The following GABRB2 variants were observed in gnomAD, a reference collection of about 807,000 sequenced individuals.
GABRB2 encodes gamma-aminobutyric acid receptor subunit beta-2.
Under a neutral mutation model 54.7 loss-of-function variants are expected in GABRB2, and 16 were observed. The ratio of observed to expected loss-of-function variants is 0.29; its 90% CI spans 0.20 to 0.44. The LOEUF (loss-of-function observed/expected upper bound fraction) is 0.44. Ranked by LOEUF, GABRB2 falls within the 20% of genes least tolerant of loss-of-function variation. GABRB2 has a pLI of 1.00. For synonymous variants in GABRB2, 244 were observed against 233.8 expected, an observed-to-expected ratio of 1.04 and a Z score of -0.40; for missense variants, 355 against 644.0, an observed-to-expected ratio of 0.55 and a Z score of 4.86.
At chr5:161,436,544 AAGAG>A (rs1757315942) in intron 4 of GABRB2, among the ~76,000 whole-genome samples, 1 of 151,760 alleles carries the variant, frequency 6.6e-6, no homozygotes, top group Non-Finnish European at 1.5e-5. Flanking sequence ...AAAAAAAAAA[AAGAG>A]AGAGAATGAT....
At chr5:161,513,237 T>TA (rs1759834588) in intron 3 of GABRB2, among the ~76,000 whole-genome samples, 2 of 152,066 alleles carry the variant, frequency 1.3e-5, no homozygotes, top group African/African-American at 4.8e-5. Flanking sequence ...ATTGTTAAAA[T>TA]AATAACAGAA....
intron 5 of GABRB2, among the ~76,000 whole-genome samples, chr5:161,360,499 A>G (rs552071843): frequency 1.1e-4 from 16 of 152,346 alleles, no homozygotes; most frequent in African/African-American, 3.8e-4. Context: ...TCTCTCTTCA[A>G]CAGTCAACAC....
In GABRB2 at chr5:161,310,339, A is replaced by G. The variant is rs116520942; in HGVS notation, c.1192-15911T>C. Among the ~76,000 whole-genome samples the G allele has an allele frequency of 2.6e-3, 389 of 152,316 alleles. 3 individuals are homozygous for G. Among genetic ancestry groups the G allele is most frequent in the African/African-American group, 9.1e-3 (377 of 41,564 alleles). On this transcript the variant is annotated intron_variant, in intron 9 of 9. Transcript: ENST00000393959. ...AGAAGTTAAAAAATAGAGAAATGAA[A>G]GGAAAGTTTTCTTGAAGCCTTTGTA...
intron 9 of GABRB2, among the ~76,000 whole-genome samples, chr5:161,310,839 T>C (rs1320054693): frequency 6.6e-6 from 1 of 151,018 alleles, no homozygotes; most frequent in Non-Finnish European, 1.5e-5. Flanking sequence ...CTCGGCTCAC[T>C]GCAAGCTCCA....
chr5:161,370,501 C>A (rs2113466995), intron 5 of GABRB2, among the ~76,000 whole-genome samples: 1 of 152,262 alleles, frequency 6.6e-6, no homozygotes, highest in Non-Finnish European at 1.5e-5. Context: ...GGCTTTGTGG[C>A]CAAACTCTGT....
At chr5:161,382,333 A>T (rs1009408570) in intron 5 of GABRB2, among the ~76,000 whole-genome samples, 3 of 152,170 alleles carry the variant, frequency 2.0e-5, no homozygotes, top group African/African-American at 4.8e-5. Flanking sequence ...AGTTACTGAG[A>T]TACTCATCAG....
At chr5:161,384,030 G>A (rs1023758940) in intron 5 of GABRB2, among the ~76,000 whole-genome samples, 3 of 152,152 alleles carry the variant, frequency 2.0e-5, no homozygotes, top group African/African-American at 7.2e-5. Flanking sequence ...TGGGATTACA[G>A]GCATGAGCCA....
intron 3 of GABRB2, among the ~76,000 whole-genome samples, chr5:161,498,470 G>C (rs1307186331): frequency 6.6e-6 from 1 of 152,028 alleles, no homozygotes. Flanking sequence ...CCATGAAGTT[G>C]CACTCACCAA....
At chr5:161,396,311 G>A (rs1235873171) in intron 5 of GABRB2, among the ~76,000 whole-genome samples, 1 of 152,120 alleles carries the variant, frequency 6.6e-6, no homozygotes, top group East Asian at 1.9e-4. Flanking sequence ...TGATTAGAGG[G>A]ACTGAAGATT....
chr5:161,495,860 A>G (rs1178777064), intron 3 of GABRB2, among the ~76,000 whole-genome samples: 2 of 152,164 alleles, frequency 1.3e-5, no homozygotes, highest in African/African-American at 2.4e-5. Context: ...GAAAATTAAA[A>G]TAAACTGAAG....
intron 3 of GABRB2, among the ~76,000 whole-genome samples, chr5:161,526,675 T>A (rs1435882901): frequency 6.6e-6 from 1 of 151,430 alleles, no homozygotes; most frequent in African/African-American, 2.4e-5. Context: ...CTGATAGTTA[T>A]ATAATCTTTG....
At chr5:161,342,706 A>T (rs1449127411) in intron 5 of GABRB2, among the ~76,000 whole-genome samples, 1 of 152,070 alleles carries the variant, frequency 6.6e-6, no homozygotes, top group Non-Finnish European at 1.5e-5. Context: ...CTATTTATTT[A>T]TGTCCCCTCA....
chr5:161,413,742 C>A (rs1416533827), intron 4 of GABRB2, among the ~76,000 whole-genome samples: 1 of 152,014 alleles, frequency 6.6e-6, no homozygotes, highest in Non-Finnish European at 1.5e-5. Flanking sequence ...AGAAAATTAA[C>A]CTCATCTGAT....
intron 5 of GABRB2, among the ~76,000 whole-genome samples, chr5:161,339,839 G>C (rs1754103158): frequency 6.6e-6 from 1 of 152,132 alleles, no homozygotes; most frequent in Middle Eastern, 3.4e-3. Context: ...GCAAATGATA[G>C]AGTAAGGACT....
At chr5:161,460,399 A>C (rs1025411865) in intron 3 of GABRB2, among the ~76,000 whole-genome samples, 2 of 152,212 alleles carry the variant, frequency 1.3e-5, no homozygotes, top group Admixed American at 1.3e-4. Flanking sequence ...TGGGCCAGGC[A>C]CAGTGGTGGG....
rs766605015 is a variant in GABRB2, at chr5:161,459,670, G to C, written c.412C>G (p.Arg138Gly). Residue 138 changes from arginine to glycine, a missense_variant, in exon 4 of 10, where the codon CGC becomes GGC. Arg to Gly is a moderately radical substitution (Grantham distance 125). Coordinates refer to ENST00000393959, the MANE Select transcript of GABRB2 (RefSeq NM_001371727.1). ...CCATCAGGATGCAGGCGAATCATGC[G>C]GTTCTTAACAGTCACTCCGTGCACA... The part of the protein sequence containing the change: ...SFVHGVTVKN[R>G]MIRLHPDGTV... 6.2e-7 allele frequency: 1 copy of C among 1,614,134 alleles called. No homozygotes were observed. The highest frequency in any genetic ancestry group is 1.1e-5 in the South Asian group (1 of 91,078).
At chr5:161,480,605 CACAGGAAACAAATA>C (rs1247822464) in intron 3 of GABRB2, among the ~76,000 whole-genome samples, 1 of 152,028 alleles carries the variant, frequency 6.6e-6, no homozygotes, top group Non-Finnish European at 1.5e-5. Flanking sequence ...TTTAAACAAA[CACAGGAAACAAATA>C]ACAGCTATTA....
chr5:161,383,362 GTCTT>G (rs1580936403), intron 5 of GABRB2, among the ~76,000 whole-genome samples: 1 of 151,564 alleles, frequency 6.6e-6, no homozygotes, highest in Non-Finnish European at 1.5e-5. Flanking sequence ...TGTGGCATTT[GTCTT>G]TCTTTTTTTT....
intron 3 of GABRB2, among the ~76,000 whole-genome samples, chr5:161,462,293 T>C (rs1305656701): frequency 6.6e-6 from 1 of 152,172 alleles, no homozygotes. Context: ...AGCATGTTAA[T>C]TTACAATAGA....
Sources: allele counts gnomAD v4.1 joint callset (sites outside exome capture counted in the v4.1 genomes callset), GRCh38; gene constraint gnomAD v4.1.1; transcripts MANE v1.5; gene names NCBI Gene and HGNC (gene_info 2026-07-23, HGNC 2026-07-21).